Variants in SLC28A1 observed in about 807,000 individuals in gnomAD.
SLC28A1 encodes solute carrier family 28 member 1, also known as sodium/nucleoside cotransporter 1.
A neutral mutation model predicts 74.8 loss-of-function variants in SLC28A1; 64 were observed. The observed-to-expected ratio is 0.86, with a 90% CI of 0.70 to 1.05. SLC28A1 has a LOEUF of 1.05. Among genes scored for constraint, SLC28A1 ranks in the 50% least tolerant of loss-of-function variants. The pLI, the probability that SLC28A1 is intolerant of heterozygous loss-of-function variation, is 0.00. For synonymous variants in SLC28A1, 359 were observed against 335.0 expected, an observed-to-expected ratio of 1.07 and a Z score of -0.78; for missense variants, 828 against 822.8, an observed-to-expected ratio of 1.01 and a Z score of -0.08.
the SLC28A1 span, among the ~76,000 whole-genome samples, chr15:84,956,322 G>A: frequency 6.6e-6 from 1 of 152,038 alleles, no homozygotes; most frequent in East Asian, 1.9e-4. Flanking sequence ...GTTTCTGTCT[G>A]ATTATGGCTA....
chr15:84,964,637 C>T, the SLC28A1 span, among the ~76,000 whole-genome samples: 1 of 152,204 alleles, frequency 6.6e-6, no homozygotes, highest in Non-Finnish European at 1.5e-5. Context: ...CTGGCTCTTG[C>T]CACCTCTCTG....
intron 12 of SLC28A1, among the ~76,000 whole-genome samples, chr15:84,931,153 G>C (rs1012403849): frequency 6.6e-6 from 1 of 151,488 alleles, no homozygotes; most frequent in African/African-American, 2.4e-5. Context: ...TGATCTGCCC[G>C]CCTTGGCCTC....
chr15:84,912,828 ACACACACACAC>A (rs1968531120), intron 9 of SLC28A1, among the ~76,000 whole-genome samples: 1 of 151,612 alleles, frequency 6.6e-6, no homozygotes, highest in Non-Finnish European at 1.5e-5. Context: ...ACACACACAC[ACACACACACAC>A]ACACACACAG....
intron 6 of SLC28A1, among the ~76,000 whole-genome samples, chr15:84,899,044 A>T (rs780156818): frequency 3.9e-5 from 6 of 152,318 alleles, no homozygotes; most frequent in Non-Finnish European, 2.9e-5. Context: ...GCTAGGAAAG[A>T]ACCACCCAAA....
intron 3 of SLC28A1, among the ~76,000 whole-genome samples, chr15:84,888,353 T>A (rs1329074131): frequency 6.6e-6 from 1 of 152,020 alleles, no homozygotes; most frequent in Non-Finnish European, 1.5e-5. Flanking sequence ...TCACTGCCCT[T>A]GTCTCTTGGG....
chr15:84,894,200 T>G (rs1965683971), intron 5 of SLC28A1, among the ~76,000 whole-genome samples: 1 of 152,042 alleles, frequency 6.6e-6, no homozygotes, highest in Non-Finnish European at 1.5e-5. Flanking sequence ...GGCGAAACCC[T>G]GTCTCTACCA....
chr15:84,962,337 G>A, the SLC28A1 span, among the ~76,000 whole-genome samples: 2 of 152,076 alleles, frequency 1.3e-5, no homozygotes, highest in African/African-American at 4.8e-5. Flanking sequence ...GCCTCTCAAA[G>A]TATTAGGATT....
At chr15:84,941,626 G>A (rs1177902581) in intron 15 of SLC28A1, among the ~76,000 whole-genome samples, 1 of 152,068 alleles carries the variant, frequency 6.6e-6, no homozygotes, top group Admixed American at 6.6e-5. Flanking sequence ...GCTCATGCCT[G>A]TAATTCCAAC....
intron 9 of SLC28A1, among the ~76,000 whole-genome samples, chr15:84,913,230 G>A (rs375076239): frequency 6.6e-6 from 1 of 152,180 alleles, no homozygotes; most frequent in Non-Finnish European, 1.5e-5. Flanking sequence ...CCAGCTTTGG[G>A]TTTTAGTGGC....
chr15:84,924,330 T>C (rs1596317129), intron 12 of SLC28A1, among the ~76,000 whole-genome samples: 1 of 152,144 alleles, frequency 6.6e-6, no homozygotes, highest in Middle Eastern at 3.4e-3. Context: ...TTCCATTTAC[T>C]GAGTGCATGC....
At position 84,904,012 on chromosome 15, in the gene SLC28A1, T is replaced by C. The variant is rs1486051437; in HGVS notation, c.462-85T>C. 7.6e-6 allele frequency: 12 copies of C among 1,576,366 alleles called. No individual in the cohort carries two copies. In the East Asian group the frequency reaches 2.7e-4, roughly 35 times the overall value. On this transcript the variant is annotated intron_variant, in intron 6 of 18. Coordinates refer to ENST00000394573, the MANE Select transcript of SLC28A1 (RefSeq NM_004213.5). ...TCCTCCTCCCAGCCCTGAGCACCCT[T>C]TCTCTGGGTCCCCGGGTGCTATTGT...
intron 12 of SLC28A1, among the ~76,000 whole-genome samples, chr15:84,928,188 T>C (rs986466195): frequency 2.0e-5 from 3 of 152,180 alleles, no homozygotes; most frequent in Non-Finnish European, 4.4e-5. Context: ...CTGCACAGAA[T>C]GGGCAGAGGC....
At chr15:84,920,896 G>A (rs1969750468) in intron 10 of SLC28A1, 93 bp from the exon 11 acceptor site, 1 of 965,942 alleles carries the variant, frequency 1.0e-6, no homozygotes, top group Non-Finnish European at 1.7e-6. Context: ...GCTGGGAGTT[G>A]GGAGGAAACT....
At chr15:84,926,810 G>C (rs1209904849) in intron 12 of SLC28A1, among the ~76,000 whole-genome samples, 1 of 141,406 alleles carries the variant, frequency 7.1e-6, no homozygotes, top group East Asian at 2.3e-4. Context: ...GGAGGGGGGG[G>C]GTGGTGGTAG....
intron 11 of SLC28A1, among the ~76,000 whole-genome samples, chr15:84,922,380 C>T (rs1969931758): frequency 6.6e-6 from 1 of 152,132 alleles, no homozygotes; most frequent in South Asian, 2.1e-4. Context: ...AAGCCCTTCC[C>T]CTCTTGGCAA....
rs746698572 is a variant in SLC28A1, at chr15:84,935,425, C to T, written c.1488C>T (p.Asn496=). Residue 496 remains asparagine (N), a synonymous_variant, in exon 15 of 19, where the codon AAC becomes AAT. Transcript: ENST00000394573. ...TGCTGGGGATCAAGCTGTTTCTGAA[C>T]GAGTTTGTGGCCTATCAAGACCTCT... ...AELLGIKLFL[N]EFVAYQDLSK... is the part of the protein sequence containing the mutation. 2.5e-5 allele frequency: 40 copies of T among 1,614,066 alleles called. No individual in the cohort carries two copies. Among genetic ancestry groups the T allele is most frequent in the Admixed American group, 6.7e-5 (4 of 60,000 alleles).
intron 15 of SLC28A1, among the ~76,000 whole-genome samples, chr15:84,935,921 CCCT>C (rs1173037039): frequency 6.6e-6 from 1 of 150,860 alleles, no homozygotes; most frequent in African/African-American, 2.4e-5. Flanking sequence ...TTCACTAACA[CCCT>C]CACTGTTTTG....
rs758510773 is a variant in SLC28A1, at chr15:84,904,103, A to C, written c.468A>C (p.Leu156=). ...PRLLLWFKRG[L]ALAAFLGLVL... ...TTCTGTCTCTTGCCTGCAGGGGTCTAGCTCTTGCTGCTTTCCTGGGCCTGG... is the reference window on the plus strand; with the variant it reads ...TTCTGTCTCTTGCCTGCAGGGGTCTCGCTCTTGCTGCTTTCCTGGGCCTGG... The change falls in exon 7 of 19, where the codon CTA becomes CTC. Residue 156 remains leucine, a synonymous_variant. Coordinates refer to ENST00000394573, the MANE Select transcript of SLC28A1 (RefSeq NM_004213.5). The C allele has an allele frequency of 3.8e-5, 61 of 1,614,010 alleles. 1 individual carries two copies. In the South Asian group the frequency reaches 5.7e-4, roughly 15 times the overall value.
At position 84,945,567 on chromosome 15, in the gene SLC28A1, C is replaced by T; in HGVS notation, c.*367C>T. 1 of 327,996 alleles carries T rather than the reference C, an allele frequency of 3.0e-6. No individual in the cohort carries two copies. Among genetic ancestry groups the T allele is most frequent in the South Asian group, 2.7e-5 (1 of 37,440 alleles). 20.3% of individuals were successfully genotyped at this position (327,996 alleles called of 1,614,324 possible). ...CTTCCCTTCTGTTGTGGGCTGCACA[C>T]CAAAGCCTCCTCCCCTCCCCACTTC... On this transcript the variant is annotated 3_prime_UTR_variant, in exon 19 of 19. Transcript: ENST00000394573.
Sources: allele counts gnomAD v4.1 joint callset (sites outside exome capture counted in the v4.1 genomes callset), GRCh38; gene constraint gnomAD v4.1.1; transcripts MANE v1.5; gene names NCBI Gene and HGNC (gene_info 2026-07-23, HGNC 2026-07-21).